The following ROR2 variants were observed in gnomAD, a reference collection of about 807,000 sequenced individuals.
ROR2 encodes tyrosine-protein kinase transmembrane receptor ROR2.
A neutral mutation model predicts 74.9 loss-of-function variants in ROR2; 33 were observed. That is an observed-to-expected ratio of 0.44 (90% CI 0.33 to 0.59). The LOEUF (loss-of-function observed/expected upper bound fraction) is 0.59. Ranked by LOEUF, ROR2 falls within the 20% of genes least tolerant of loss-of-function variation. ROR2 has a pLI of 0.02. For synonymous variants in ROR2, 586 were observed against 558.7 expected (o/e 1.05, Z -0.69); for missense variants, 1,216 against 1,313.8 (o/e 0.93, Z 1.15).
chr9:91,936,066 C>T (rs7043019), intron 1 of ROR2, among the ~76,000 whole-genome samples: 17,488 of 152,214 alleles, frequency 0.11, 1,947 homozygotes, highest in African/African-American at 0.29. Context: ...CGCTGAGGGC[C>T]GGGGCCAGAC....
At chr9:91,900,510 G>T (rs978971407) in intron 1 of ROR2, among the ~76,000 whole-genome samples, 8 of 152,246 alleles carry the variant, frequency 5.3e-5, no homozygotes, top group Non-Finnish European at 1.0e-4. Flanking sequence ...GGACCCGCAG[G>T]AAACAAGAAA....
intron 1 of ROR2, among the ~76,000 whole-genome samples, chr9:91,799,983 G>T (rs1827319284): frequency 6.6e-6 from 1 of 152,224 alleles, no homozygotes; most frequent in Non-Finnish European, 1.5e-5. Flanking sequence ...AGCCGTTCAG[G>T]CCTTACTTTC....
intron 2 of ROR2, among the ~76,000 whole-genome samples, chr9:91,761,072 A>G (rs759840230): frequency 1.8e-4 from 28 of 152,344 alleles, no homozygotes; most frequent in Non-Finnish European, 3.7e-4. Context: ...AAAGCAACAC[A>G]TATCTTTCAT....
intron 1 of ROR2, among the ~76,000 whole-genome samples, chr9:91,900,575 A>C (rs1830652216): frequency 1.3e-5 from 2 of 152,248 alleles, no homozygotes; most frequent in African/African-American, 2.4e-5. Context: ...AGGAGGCGGG[A>C]AAACGACAAG....
At chr9:91,830,743 T>C (rs1413716856) in intron 1 of ROR2, among the ~76,000 whole-genome samples, 3 of 151,514 alleles carry the variant, frequency 2.0e-5, no homozygotes, top group African/African-American at 7.3e-5. Context: ...GTTATTATAT[T>C]GAGGGAACAA....
chr9:91,836,226 T>C (rs1828606633), intron 1 of ROR2, among the ~76,000 whole-genome samples: 1 of 152,160 alleles, frequency 6.6e-6, no homozygotes, highest in South Asian at 2.1e-4. Flanking sequence ...CACTTTGTCC[T>C]GGGAAGAGGT....
In ROR2 at chr9:91,927,452, A is replaced by G. The variant is rs537582236; in HGVS notation, c.97+22415T>C. On this transcript the variant is annotated intron_variant, in intron 1 of 8. Transcript: ENST00000375708. ...GGACCCTGAAGGGGGACCAGGGGAG[A>G]AAAAAGTCCGAGGGCCACCTCCATG... Among the ~76,000 whole-genome samples the G allele has an allele frequency of 5.3e-5, 8 of 152,264 alleles. No individual in the cohort carries two copies. In the South Asian group the frequency reaches 1.7e-3, roughly 32 times the overall value.
intron 1 of ROR2, among the ~76,000 whole-genome samples, chr9:91,859,706 T>C (rs1829411197): frequency 6.6e-6 from 1 of 152,026 alleles, no homozygotes; most frequent in Non-Finnish European, 1.5e-5. Context: ...ACACCTGTAA[T>C]CCCAGCTACT....
At chr9:91,927,479 CCCACCTCCATTCA>C (rs938498832) in intron 1 of ROR2, among the ~76,000 whole-genome samples, 10 of 152,098 alleles carry the variant, frequency 6.6e-5, no homozygotes, top group Non-Finnish European at 1.0e-4. Context: ...ACCTCCATGC[CCCACCTCCATTCA>C]CCACCTCCAT....
chr9:91,723,975 ACC>A lies in ROR2; in HGVS notation c.2517_2518del (p.Val840AlafsTer55). The A allele has an allele frequency of 6.2e-7, 1 of 1,613,090 alleles. No individual in the cohort carries two copies. Among genetic ancestry groups the A allele is most frequent in the Non-Finnish European group, 8.5e-7 (1 of 1,180,014 alleles). On this transcript the variant is annotated frameshift_variant, in exon 9 of 9. Coordinates refer to ENST00000375708, the MANE Select transcript of ROR2 (RefSeq NM_004560.4). LOFTEE classifies it high-confidence loss of function. ...CGGGGCCATCTGCATTGGGATCTGCACCGGGTAGAAGTTGGGCAGGTAGGCCC... is the reference window on the plus strand; with the variant it reads ...CGGGGCCATCTGCATTGGGATCTGCAGGGTAGAAGTTGGGCAGGTAGGCCC...
intron 1 of ROR2, among the ~76,000 whole-genome samples, chr9:91,879,414 G>C (rs553058261): frequency 7.9e-5 from 12 of 151,064 alleles, no homozygotes; most frequent in Non-Finnish European, 1.8e-4. Flanking sequence ...CTGAGTGGGA[G>C]TGGGTGTGGG....
chr9:91,823,898 C>T (rs951330470), intron 1 of ROR2, among the ~76,000 whole-genome samples: 3 of 152,212 alleles, frequency 2.0e-5, no homozygotes, highest in African/African-American at 7.2e-5. Context: ...CTGAAATACA[C>T]AATCTCTGCC....
At chr9:91,939,865 C>G (rs1224531447) in intron 1 of ROR2, among the ~76,000 whole-genome samples, 1 of 152,124 alleles carries the variant, frequency 6.6e-6, no homozygotes, top group Non-Finnish European at 1.5e-5. Flanking sequence ...ACAAGAGCAC[C>G]CACCAAAAGA....
chr9:91,800,817 C>G (rs889799138), intron 1 of ROR2, among the ~76,000 whole-genome samples: 7 of 152,214 alleles, frequency 4.6e-5, no homozygotes, highest in Admixed American at 2.0e-4. Context: ...TTTGTGCAAA[C>G]ACACACTGGC....
Position 91,773,119 on chromosome 9 carries a change from C to T in ROR2, c.175+2622G>A, listed in dbSNP as rs143036079. Among the ~76,000 whole-genome samples, 44 of 152,312 alleles carry T rather than the reference C, an allele frequency of 2.9e-4. No individual in the cohort carries two copies. The East Asian group carries it at 7.9e-3, about 27-fold the overall frequency. On this transcript the variant is annotated intron_variant, in intron 2 of 8. Coordinates refer to ENST00000375708, the MANE Select transcript of ROR2 (RefSeq NM_004560.4). ...CCCATCCCACATGCAGTCCCAGGGC[C>T]CCTGCAGCCCTCTGCTCCAGAAGCC...
Position 91,757,413 on chromosome 9 carries a change from G to A in ROR2, c.322C>T (p.Arg108Trp), listed in dbSNP as rs1472255291. The change falls in exon 3 of 9, where the codon CGG (arginine) becomes TGG (tryptophan). Residue 108 changes from arginine (R) to tryptophan (W), a missense_variant. Transcript: ENST00000375708. ...TATTCTGTCTTCCGGATGATGATCC[G>A]CCGCGGCTCCTGCACCACCGGGGCA... ...NDAPVVQEPR[R>W]IIIRKTEYGS... 5.6e-6 allele frequency: 9 copies of A among 1,613,806 alleles called. No homozygotes were observed. The highest frequency in any genetic ancestry group is 6.8e-6 in the Non-Finnish European group (8 of 1,179,964).
chr9:91,897,524 T>C (rs1006090625), intron 1 of ROR2, among the ~76,000 whole-genome samples: 2 of 148,996 alleles, frequency 1.3e-5, no homozygotes, highest in Non-Finnish European at 3.0e-5. Context: ...AACAAAGTGA[T>C]ACTGGGTGAT....
intron 1 of ROR2, among the ~76,000 whole-genome samples, chr9:91,921,490 T>C (rs1831261002): frequency 6.6e-6 from 1 of 152,242 alleles, no homozygotes; most frequent in African/African-American, 2.4e-5. Context: ...TGTGCTTAAT[T>C]GCAGACCAAG....
At chr9:91,795,472 TTAAAC>T in intron 1 of ROR2, among the ~76,000 whole-genome samples, 1 of 152,352 alleles carries the variant, frequency 6.6e-6, no homozygotes, top group African/African-American at 2.4e-5. Context: ...AATTTTTTCT[TTAAAC>T]TAATGGATTA....
Sources: gnomAD v4.1 joint callset for allele counts (sites outside exome capture counted in the v4.1 genomes callset) on GRCh38, gnomAD v4.1.1 for gene constraint, MANE v1.5 for transcripts, NCBI Gene and HGNC (gene_info 2026-07-23, HGNC 2026-07-21) for gene names.